SLC39A11: variants seen among roughly 807,000 people sequenced by gnomAD.
SLC39A11 encodes zinc transporter ZIP11.
In SLC39A11, 33 loss-of-function variants were observed where a neutral mutation model predicts 36.1. The observed-to-expected ratio is 0.91, with a 90% CI of 0.69 to 1.22. The LOEUF (loss-of-function observed/expected upper bound fraction) is 1.22, where lower values mean the gene tolerates loss of function less well. SLC39A11 is among the 50% of genes most tolerant of loss of function. SLC39A11 has a pLI of 0.00. For missense variants in SLC39A11, 432 were observed against 430.3 expected, an observed-to-expected ratio of 1.00 and a Z score of -0.03; for synonymous variants, 166 against 170.3, an observed-to-expected ratio of 0.97 and a Z score of 0.20.
rs113340070 is a variant in SLC39A11, at chr17:72,879,870, G to A, written c.431-30066C>T. 8.9e-4 allele frequency among the ~76,000 whole-genome samples: 135 copies of A among 152,308 alleles called. 1 individual carries two copies. Among genetic ancestry groups the A allele is most frequent in the African/African-American group, 3.0e-3 (125 of 41,568 alleles). The stretch of plus-strand genomic sequence containing the variant: ...GTCTGAAGACCCCCGCCAAGGAACC[G>A]ACTCAGCACAAGAATGTGGTTTCTT... On this transcript the variant is annotated intron_variant, in intron 5 of 9. Transcript: ENST00000255559.
intron 4 of SLC39A11, among the ~76,000 whole-genome samples, chr17:73,007,053 C>T (rs905613248): frequency 1.3e-5 from 2 of 152,344 alleles, no homozygotes; most frequent in East Asian, 1.9e-4. Flanking sequence ...AAGGAGCCTA[C>T]AGCCCATCAG....
At chr17:72,756,872 G>T (rs1353286807) in intron 6 of SLC39A11, among the ~76,000 whole-genome samples, 4 of 152,024 alleles carry the variant, frequency 2.6e-5, no homozygotes, top group African/African-American at 9.7e-5. Context: ...TGCAATGGCC[G>T]GGTGCAATGG....
chr17:72,843,580 C>T (rs111401123), intron 6 of SLC39A11, among the ~76,000 whole-genome samples: 1 of 152,136 alleles, frequency 6.6e-6, no homozygotes, highest in African/African-American at 2.4e-5. Context: ...TCACCTGCAA[C>T]CCGGAGAAGG....
intron 7 of SLC39A11, among the ~76,000 whole-genome samples, chr17:72,651,194 T>A (rs948084936): frequency 6.6e-6 from 1 of 152,134 alleles, no homozygotes; most frequent in African/African-American, 2.4e-5. Context: ...CCATCCCTTT[T>A]TGACAAGATT....
chr17:72,943,982 C>T (rs568404216), intron 5 of SLC39A11, among the ~76,000 whole-genome samples: 18 of 152,290 alleles, frequency 1.2e-4, no homozygotes, highest in African/African-American at 3.4e-4. Context: ...GCAGACACCA[C>T]ATGGCAGGAT....
At chr17:73,054,404 A>G (rs938989691) in intron 3 of SLC39A11, among the ~76,000 whole-genome samples, 1 of 151,920 alleles carries the variant, frequency 6.6e-6, no homozygotes, top group Admixed American at 6.6e-5. Context: ...TGCACACGCC[A>G]CATTTATTCA....
chr17:73,050,801 G>A (rs1284305451), intron 3 of SLC39A11, among the ~76,000 whole-genome samples: 1 of 152,112 alleles, frequency 6.6e-6, no homozygotes, highest in Non-Finnish European at 1.5e-5. Context: ...TGGGGATGGG[G>A]GAGGTGAAAG....
intron 7 of SLC39A11, among the ~76,000 whole-genome samples, chr17:72,721,318 A>G (rs772734806): frequency 2.3e-4 from 35 of 151,988 alleles, no homozygotes; most frequent in Non-Finnish European, 4.1e-4. Context: ...TCTGGTCTCG[A>G]TCTCCTGACC....
chr17:72,650,653 G>A (rs771394580), intron 7 of SLC39A11, among the ~76,000 whole-genome samples: 5 of 152,192 alleles, frequency 3.3e-5, no homozygotes, highest in African/African-American at 7.2e-5. Context: ...GGTGCCACTC[G>A]GCAAGCAATG....
At position 72,963,169 on chromosome 17, in the gene SLC39A11, C is replaced by CTTTTTTTTTTTTTTTTT. The variant is rs5821936; in HGVS notation, c.307-15311_307-15295dup. On this transcript the variant is annotated intron_variant, in intron 4 of 9. Transcript: ENST00000255559. ...TGGGGTATAATTCTTTTTTTCCTTTCTTTTTTTTTTTTTTTTTTTGAGATG... is the reference window on the plus strand; with the variant it reads ...TGGGGTATAATTCTTTTTTTCCTTTCTTTTTTTTTTTTTTTTTTTTTTTTTTTTTTTTTTTTGAGATG... 1.4e-4 allele frequency among the ~76,000 whole-genome samples: 16 copies of CTTTTTTTTTTTTTTTTT among 114,548 alleles called. 1 individual carries two copies. The highest frequency in any genetic ancestry group is 3.5e-4 in the African/African-American group (10 of 28,816). 75.1% of individuals were successfully genotyped at this position (114,548 alleles called of 152,430 possible). A position where few individuals can be genotyped will look rare whatever the true frequency, so the allele number is the denominator to read the frequency against.
At chr17:72,809,506 C>A (rs117228192) in intron 6 of SLC39A11, among the ~76,000 whole-genome samples, 16 of 152,238 alleles carry the variant, frequency 1.1e-4, no homozygotes, top group Middle Eastern at 3.4e-3. Flanking sequence ...TTCGTGGCTT[C>A]CCTTTTGCAA....
chr17:72,916,199 A>G (rs1312423997), intron 5 of SLC39A11, among the ~76,000 whole-genome samples: 2 of 150,258 alleles, frequency 1.3e-5, no homozygotes, highest in African/African-American at 2.4e-5. Flanking sequence ...AAATGCGCGC[A>G]CACACAGGCA....
chr17:73,049,300 C>T (rs890867542), intron 3 of SLC39A11, among the ~76,000 whole-genome samples: 3 of 152,144 alleles, frequency 2.0e-5, no homozygotes, highest in Non-Finnish European at 4.4e-5. Flanking sequence ...CTGCACAGAG[C>T]GCTATGCGAA....
At chr17:72,808,160 T>C (rs981259955) in intron 6 of SLC39A11, among the ~76,000 whole-genome samples, 2 of 152,150 alleles carry the variant, frequency 1.3e-5, no homozygotes, top group African/African-American at 2.4e-5. Flanking sequence ...CATTAAGAAA[T>C]GGACCAGAGG....
At position 73,031,972 on chromosome 17, in the gene SLC39A11, C is replaced by G. The variant is rs1223494595; in HGVS notation, c.148-258G>C. Among the ~76,000 whole-genome samples the G allele has an allele frequency of 3.9e-5, 6 of 152,272 alleles. No individual in the cohort carries two copies. The East Asian group carries it at 1.2e-3, about 29-fold the overall frequency. ...GCAGTCCAGTTCGCCATCATCTAGC[C>G]TATAATTCAGTGGTTCTCAACCAGC... On this transcript the variant is annotated intron_variant, in intron 3 of 9. Coordinates refer to ENST00000255559, the MANE Select transcript of SLC39A11 (RefSeq NM_139177.4).
intron 6 of SLC39A11, among the ~76,000 whole-genome samples, chr17:72,757,261 G>A (rs1438946614): frequency 6.6e-6 from 1 of 152,110 alleles, no homozygotes; most frequent in Non-Finnish European, 1.5e-5. Flanking sequence ...AACTCTTAGG[G>A]GTAAGAACAG....
Position 73,076,596 on chromosome 17 carries a change from T to C in SLC39A11, c.147+8212A>G, listed in dbSNP as rs8069635. Among the ~76,000 whole-genome samples, 519 of 152,300 alleles carry C rather than the reference T, an allele frequency of 3.4e-3. 1 individual carries two copies. Among genetic ancestry groups the C allele is most frequent in the African/African-American group, 0.012 (491 of 41,572 alleles). On this transcript the variant is annotated intron_variant, in intron 3 of 9. Transcript: ENST00000255559. ...CCGGTCAACTATCTTATAGCCAGTT[T>C]TGTCTTTTTCAAGACATATATTCAA...
intron 7 of SLC39A11, among the ~76,000 whole-genome samples, chr17:72,676,771 G>A (rs2144244336): frequency 6.6e-6 from 1 of 152,250 alleles, no homozygotes; most frequent in Middle Eastern, 3.4e-3. Context: ...TAGACTTTTG[G>A]TATACGTTAG....
chr17:72,959,608 A>G lies in SLC39A11; in HGVS notation c.307-11733T>C, dbSNP rs1598602515. 3.9e-5 allele frequency among the ~76,000 whole-genome samples: 6 copies of G among 152,064 alleles called. No homozygotes were observed. The South Asian group carries it at 1.2e-3, about 32-fold the overall frequency. ...GGAGGAGGGATAAAAGACTACAAAC[A>G]GGGTGCTGTATACTGCTCGGGTGAT... On this transcript the variant is annotated intron_variant, in intron 4 of 9. Transcript: ENST00000255559.
Sources: allele counts gnomAD v4.1 joint callset (sites outside exome capture counted in the v4.1 genomes callset), GRCh38; gene constraint gnomAD v4.1.1; transcripts MANE v1.5; gene names NCBI Gene and HGNC (gene_info 2026-07-23, HGNC 2026-07-21).